AFTPH: variants seen among roughly 807,000 people sequenced by gnomAD.
AFTPH encodes the protein aftiphilin.
AFTPH carries 7 observed loss-of-function variants against 72.5 expected under a neutral mutation model. The observed-to-expected ratio is 0.10, with a 90% CI of 0.05 to 0.18. AFTPH has a LOEUF of 0.18. AFTPH is among the 10% of genes least tolerant of loss of function. The probability of loss-of-function intolerance (pLI) is 1.00; values close to 1 mark genes in which losing one functional copy is unlikely to be tolerated. For synonymous variants in AFTPH, 337 were observed against 370.1 expected, an observed-to-expected ratio of 0.91 and a Z score of 1.03; for missense variants, 979 against 1,060.5, an observed-to-expected ratio of 0.92 and a Z score of 1.07.
At chr2:64,546,194 T>C (rs1007174722) in intron 1 of AFTPH, among the ~76,000 whole-genome samples, 2 of 58,376 alleles carry the variant, frequency 3.4e-5, no homozygotes, top group African/African-American at 1.7e-4. Context: ...CACCCAGCCC[T>C]TTTTTTTTTA....
intron 2 of AFTPH, among the ~76,000 whole-genome samples, chr2:64,554,269 G>A (rs998807998): frequency 6.6e-6 from 1 of 152,144 alleles, no homozygotes. Flanking sequence ...CCCTAGAGGT[G>A]TAGCTTGATA....
intron 1 of AFTPH, among the ~76,000 whole-genome samples, chr2:64,527,545 A>G (rs972393736): frequency 6.6e-6 from 1 of 150,962 alleles, no homozygotes; most frequent in East Asian, 1.9e-4. Flanking sequence ...ATGCCAGTGC[A>G]CTCCAGCCTG....
chr2:64,584,537 C>T (rs546097016), intron 7 of AFTPH, among the ~76,000 whole-genome samples: 58 of 151,838 alleles, frequency 3.8e-4, no homozygotes, highest in African/African-American at 1.4e-3. Context: ...CCCTCCCCAC[C>T]TCTAACCTGA....
intron 1 of AFTPH, among the ~76,000 whole-genome samples, chr2:64,534,517 G>C (rs1444996132): frequency 6.6e-6 from 1 of 152,052 alleles, no homozygotes; most frequent in Non-Finnish European, 1.5e-5. Context: ...CCATATTTCA[G>C]ATTCTGTGCC....
chr2:64,547,740 T>TGTGTC (rs113915239), intron 1 of AFTPH, among the ~76,000 whole-genome samples: 1 of 151,436 alleles, frequency 6.6e-6, no homozygotes, highest in Non-Finnish European at 1.5e-5. Flanking sequence ...GCTTTTGTAT[T>TGTGTC]CTTTTGACAT....
chr2:64,573,444 A>AG (rs1672569299), intron 6 of AFTPH, among the ~76,000 whole-genome samples: 1 of 151,384 alleles, frequency 6.6e-6, no homozygotes. Flanking sequence ...AAAAAAAAAA[A>AG]AAAGAAAAGA....
intron 7 of AFTPH, among the ~76,000 whole-genome samples, chr2:64,582,521 CAAAAT>C (rs1354451126): frequency 6.6e-6 from 1 of 152,142 alleles, no homozygotes; most frequent in Non-Finnish European, 1.5e-5. Flanking sequence ...GTTTTGACTT[CAAAAT>C]GATATTGTAC....
intron 1 of AFTPH, among the ~76,000 whole-genome samples, chr2:64,534,595 C>A (rs977626573): frequency 6.6e-6 from 1 of 152,168 alleles, no homozygotes; most frequent in African/African-American, 2.4e-5. Context: ...AAGTGTTACA[C>A]GTAACTAAAA....
chr2:64,534,671 G>T (rs146484633), intron 1 of AFTPH, among the ~76,000 whole-genome samples: 4 of 151,778 alleles, frequency 2.6e-5, no homozygotes, highest in African/African-American at 9.7e-5. Flanking sequence ...TTTTGTTGTT[G>T]GTGTTGCTGT....
At chr2:64,591,798 C>CT in intron 8 of AFTPH, 90 bp from the exon 10 acceptor site, 3 of 1,398,068 alleles carry the variant, frequency 2.1e-6, no homozygotes, top group Admixed American at 1.8e-5. Context: ...CCACAGATTG[C>CT]TAACTGTCTA....
At chr2:64,555,403 A>T (rs1671291556) in intron 2 of AFTPH, among the ~76,000 whole-genome samples, 1 of 152,076 alleles carries the variant, frequency 6.6e-6, no homozygotes, top group South Asian at 2.1e-4. Flanking sequence ...TCTACTAAAA[A>T]TACAAAAATT....
chr2:64,570,222 C>T (rs1391743856), intron 5 of AFTPH, among the ~76,000 whole-genome samples: 2 of 152,152 alleles, frequency 1.3e-5, no homozygotes, highest in Admixed American at 6.5e-5. Flanking sequence ...CATTTTCATT[C>T]TGTTCCTTCT....
At chr2:64,526,380 A>G (rs549524035) in intron 1 of AFTPH, among the ~76,000 whole-genome samples, 3 of 152,332 alleles carry the variant, frequency 2.0e-5, no homozygotes, top group South Asian at 4.1e-4. Context: ...ATAGCTTCTC[A>G]TTAAGGGATT....
intron 5 of AFTPH, among the ~76,000 whole-genome samples, chr2:64,571,083 GTT>G (rs1331591963): frequency 2.0e-5 from 3 of 151,506 alleles, no homozygotes; most frequent in Non-Finnish European, 4.4e-5. Context: ...TTAATATCAA[GTT>G]TTAATTATAG....
intron 7 of AFTPH, among the ~76,000 whole-genome samples, chr2:64,585,103 C>T (rs144975233): frequency 3.5e-4 from 53 of 152,252 alleles, no homozygotes; most frequent in African/African-American, 1.3e-3. Flanking sequence ...TATATCACAT[C>T]CTAATCCAAA....
chr2:64,536,734 C>G (rs1669912223), intron 1 of AFTPH, among the ~76,000 whole-genome samples: 1 of 151,700 alleles, frequency 6.6e-6, no homozygotes, highest in Admixed American at 6.6e-5. Flanking sequence ...AAGTCAATTG[C>G]TTGAGCTCAG....
intron 6 of AFTPH, among the ~76,000 whole-genome samples, chr2:64,577,361 G>A (rs10180097): frequency 0.53 from 80,724 of 151,892 alleles, 24,301 homozygotes; most frequent in African/African-American, 0.84. Flanking sequence ...TTTCATTTCC[G>A]TTAAATGTCG....
chr2:64,540,051 A>G (rs904265883), intron 1 of AFTPH, among the ~76,000 whole-genome samples: 5 of 152,196 alleles, frequency 3.3e-5, no homozygotes, highest in African/African-American at 1.2e-4. Context: ...GAGAAGAAAA[A>G]CAGAAGGTCC....
At chr2:64,540,878 T>G (rs534379182) in intron 1 of AFTPH, among the ~76,000 whole-genome samples, 2 of 152,140 alleles carry the variant, frequency 1.3e-5, no homozygotes, top group Non-Finnish European at 2.9e-5. Context: ...TACTTTCTTG[T>G]CTTGTAAAAA....
Sources: gnomAD v4.1 joint callset for allele counts (sites outside exome capture counted in the v4.1 genomes callset) on GRCh38, gnomAD v4.1.1 for gene constraint, MANE v1.5 for transcripts, NCBI Gene and HGNC (gene_info 2026-07-23, HGNC 2026-07-21) for gene names.